Variants in OCM observed in about 807,000 individuals in gnomAD.
OCM encodes oncomodulin, also known as oncomodulin-1.
OCM carries 18 observed loss-of-function variants against 14.1 expected under a neutral mutation model. The observed-to-expected ratio is 1.28, with a 90% CI of 0.88 to 1.89. The LOEUF (loss-of-function observed/expected upper bound fraction) is 1.89. Ranked by LOEUF, OCM falls within the 40% of genes most tolerant of loss-of-function variation. OCM has a pLI of 0.00. For synonymous variants in OCM, 48 were observed against 51.0 expected (o/e 0.94, Z 0.25); for missense variants, 140 against 137.6 (o/e 1.02, Z -0.09).
At chr7:5,864,169 G>GTC in the OCM span, among the ~76,000 whole-genome samples, 1 of 151,486 alleles carries the variant, frequency 6.6e-6, no homozygotes, top group Non-Finnish European at 1.5e-5. Context: ...ATGAGATCCC[G>GTC]TCTCTACAAA....
chr7:5,879,849 A>G (rs547100243), upstream of OCM: 1 of 152,132 alleles, frequency 6.6e-6, no homozygotes, highest in South Asian at 2.1e-4. Flanking sequence ...GGTTGTAACT[A>G]TCACTTTTTC....
At chr7:5,860,359 T>C in the OCM span, among the ~76,000 whole-genome samples, 1 of 147,458 alleles carries the variant, frequency 6.8e-6, no homozygotes, top group East Asian at 2.0e-4. Context: ...TGTGTATATA[T>C]ATATGCATAT....
chr7:5,867,510 A>G, the OCM span, among the ~76,000 whole-genome samples: 6 of 151,618 alleles, frequency 4.0e-5, no homozygotes, highest in Non-Finnish European at 5.9e-5. Flanking sequence ...CTGGAGGTTC[A>G]TTGAGCTTCT....
chr7:5,879,182 C>G (rs1781158436), upstream of OCM, among the ~76,000 whole-genome samples: 1 of 152,184 alleles, frequency 6.6e-6, no homozygotes, highest in East Asian at 1.9e-4. Context: ...GCCGGGGCAA[C>G]AGAGCAAGAC....
chr7:5,864,798 C>T, the OCM span, among the ~76,000 whole-genome samples: 3 of 152,060 alleles, frequency 2.0e-5, no homozygotes, highest in African/African-American at 7.2e-5. Flanking sequence ...ATTAGCCGGG[C>T]GTGGTGGTGC....
chr7:5,875,316 C>G (rs180826131), upstream of OCM, among the ~76,000 whole-genome samples: 1 of 152,012 alleles, frequency 6.6e-6, no homozygotes, highest in Admixed American at 6.6e-5. Flanking sequence ...CTCAGCCTGC[C>G]AAAGTGCTGG....
chr7:5,860,801 C>CGT, the OCM span, among the ~76,000 whole-genome samples: 2 of 86,430 alleles, frequency 2.3e-5, no homozygotes, highest in African/African-American at 2.2e-4. Context: ...CATATATATA[C>CGT]ACACATACAC....
At chr7:5,879,522 G>A (rs1016819934), upstream of OCM, among the ~76,000 whole-genome samples, 1 of 152,048 alleles carries the variant, frequency 6.6e-6, no homozygotes, top group African/African-American at 2.4e-5. Flanking sequence ...GCCTCCAACG[G>A]TACCTGCTAA....
chr7:5,868,133 A>G, the OCM span, among the ~76,000 whole-genome samples: 1 of 151,738 alleles, frequency 6.6e-6, no homozygotes, highest in Non-Finnish European at 1.5e-5. Flanking sequence ...CTCTAGCTTC[A>G]CTGTGTTTTG....
upstream of OCM, among the ~76,000 whole-genome samples, chr7:5,876,414 G>A (rs1781096789): frequency 1.3e-5 from 2 of 152,176 alleles, 1 homozygote; most frequent in South Asian, 4.1e-4. Context: ...GCCTCCCAAA[G>A]TGCTGAGATT....
At chr7:5,868,561 A>G in the OCM span, among the ~76,000 whole-genome samples, 1 of 148,466 alleles carries the variant, frequency 6.7e-6, no homozygotes, top group African/African-American at 2.6e-5. Context: ...TGAGTAATTT[A>G]GAGCAAGTGT....
At chr7:5,884,161 A>C (rs1455040363) in intron 3 of OCM, among the ~76,000 whole-genome samples, 162 bp downstream of exon 3, 2 of 152,174 alleles carry the variant, frequency 1.3e-5, no homozygotes, top group Non-Finnish European at 2.9e-5. Context: ...TAAGGATGCA[A>C]ATGATGTGTG....
upstream of OCM, among the ~76,000 whole-genome samples, chr7:5,875,838 T>G (rs1322304051): frequency 1.3e-5 from 2 of 150,958 alleles, no homozygotes; most frequent in Non-Finnish European, 3.0e-5. Flanking sequence ...TCAGAAACCT[T>G]TTTTTTTTTT....
chr7:5,875,918 C>T (rs1030846670), upstream of OCM, among the ~76,000 whole-genome samples: 3 of 151,794 alleles, frequency 2.0e-5, no homozygotes, highest in South Asian at 2.1e-4. Flanking sequence ...TTGCAGCAGC[C>T]GTTACTTCCC....
the OCM span, among the ~76,000 whole-genome samples, chr7:5,874,223 C>CAAAA: frequency 8.9e-4 from 28 of 31,484 alleles, 1 homozygote; most frequent in Middle Eastern, 0.033. Context: ...GACTCTGTCT[C>CAAAA]AAAAAAAAAA....
At chr7:5,881,840 A>T (rs1781221107) in intron 1 of OCM, among the ~76,000 whole-genome samples, 1 of 151,932 alleles carries the variant, frequency 6.6e-6, no homozygotes, top group African/African-American at 2.4e-5. Flanking sequence ...TAATCCCAAC[A>T]CTTTGGGAGG....
At chr7:5,881,751 C>G (rs1781219635) in intron 1 of OCM, among the ~76,000 whole-genome samples, 1 of 152,048 alleles carries the variant, frequency 6.6e-6, no homozygotes. Flanking sequence ...CACACGATTA[C>G]ACATCTGTAA....
chr7:5,882,762 G>C, intron 2 of OCM, 137 bp downstream of exon 2: 7 of 1,021,864 alleles, frequency 6.9e-6, no homozygotes, highest in Non-Finnish European at 1.0e-5. Context: ...TTAAAGCAAA[G>C]GACATGAGTC....
the OCM span, among the ~76,000 whole-genome samples, chr7:5,871,183 G>A: frequency 4.8e-5 from 7 of 144,836 alleles, no homozygotes; most frequent in South Asian, 6.7e-4. Context: ...CCCCCCCCCC[G>A]TCTCTACAAA....
Sources: gnomAD v4.1 joint callset for allele counts (sites outside exome capture counted in the v4.1 genomes callset) on GRCh38, gnomAD v4.1.1 for gene constraint, MANE v1.5 for transcripts, NCBI Gene and HGNC (gene_info 2026-07-23, HGNC 2026-07-21) for gene names.